Variants in LETM2 observed in about 807,000 individuals in gnomAD.
The protein encoded by LETM2 is leucine zipper and EF-hand containing transmembrane protein 2.
A neutral mutation model predicts 59.6 loss-of-function variants in LETM2; 58 were observed. The observed-to-expected ratio is 0.97, with a 90% CI of 0.79 to 1.21. The LOEUF (loss-of-function observed/expected upper bound fraction) is 1.21, where lower values mean the gene tolerates loss of function less well. Among genes scored for constraint, LETM2 ranks in the 50% most tolerant of loss-of-function variants. The pLI is 0.00. For synonymous variants in LETM2, 199 were observed against 214.1 expected (o/e 0.93, Z 0.62); for missense variants, 572 against 575.7 (o/e 0.99, Z 0.07).
intron 1 of LETM2, among the ~76,000 whole-genome samples, chr8:38,387,749 G>A (rs747717487): frequency 2.6e-5 from 4 of 151,848 alleles, no homozygotes; most frequent in South Asian, 4.2e-4. Flanking sequence ...GATCATTACC[G>A]TTTGTTGGAA....
chr8:38,393,867 A>G, intron 3 of LETM2: 1 of 366,564 alleles, frequency 2.7e-6, no homozygotes, highest in Non-Finnish European at 4.8e-6. Flanking sequence ...TAACACTTTA[A>G]GAACCAAGCT....
At position 38,405,108 on chromosome 8, in the gene LETM2, A is replaced by G. The variant is rs181340381; in HGVS notation, c.1218+602A>G. Among the ~76,000 whole-genome samples the G allele has an allele frequency of 1.4e-3, 211 of 152,306 alleles. 1 individual carries two copies. Among genetic ancestry groups the G allele is most frequent in the African/African-American group, 4.8e-3 (199 of 41,564 alleles). ...TTATTCCTTTTTCTTAACTATCTTC[A>G]TTAGCAGACTGGTGTGTGTGGGTGT... is the stretch of plus-strand genomic sequence containing the variant. On this transcript the variant is annotated intron_variant, in intron 8 of 10. Coordinates refer to ENST00000379957, the MANE Select transcript of LETM2 (RefSeq NM_001286819.2).
At chr8:38,390,916 C>T (rs13256655) in intron 2 of LETM2, among the ~76,000 whole-genome samples, 6 of 151,632 alleles carry the variant, frequency 4.0e-5, no homozygotes, top group East Asian at 2.0e-4. Flanking sequence ...CTCTTGACCT[C>T]GTGATCCACC....
intron 10 of LETM2, 148 bp downstream of exon 10, chr8:38,407,611 AGTC>A: frequency 1.6e-6 from 1 of 622,232 alleles, no homozygotes; most frequent in Non-Finnish European, 2.8e-6. Flanking sequence ...GCCAAACTTT[AGTC>A]ATCTTGTAAC....
At chr8:38,407,595 T>C (rs112092130) in intron 10 of LETM2, 132 bp downstream of exon 10, 19 of 658,240 alleles carry the variant, frequency 2.9e-5, no homozygotes, top group East Asian at 2.7e-4. Context: ...AAACAGGAAA[T>C]TGTAGGCCAA....
At chr8:38,400,722 A>T in intron 5 of LETM2, 131 bp from the exon 6 acceptor site, 1 of 842,566 alleles carries the variant, frequency 1.2e-6, no homozygotes, top group South Asian at 1.7e-5. Flanking sequence ...TTTTCTTTAT[A>T]CCACGAAGCC....
intron 4 of LETM2, chr8:38,397,106 T>C (rs1318207492): frequency 2.2e-6 from 1 of 456,008 alleles, no homozygotes. Flanking sequence ...TCTGTGCCAC[T>C]CTACTAGACA....
chr8:38,392,356 C>T (rs1045734468), intron 2 of LETM2, among the ~76,000 whole-genome samples, 186 bp from the exon 3 acceptor site: 1 of 151,394 alleles, frequency 6.6e-6, no homozygotes, highest in African/African-American at 2.4e-5. Flanking sequence ...GCCCAGATGG[C>T]GTAGGTTGTA....
chr8:38,404,692 A>G, intron 8 of LETM2, 186 bp downstream of exon 8: 1 of 549,202 alleles, frequency 1.8e-6, no homozygotes, highest in South Asian at 2.0e-5. Flanking sequence ...AAACAAAACA[A>G]AGGAAGGCCA....
At chr8:38,385,675 C>A (rs1016526262), upstream of LETM2, among the ~76,000 whole-genome samples, 1 of 152,180 alleles carries the variant, frequency 6.6e-6, no homozygotes, top group African/African-American at 2.4e-5. Context: ...GGATCACAGG[C>A]GTGAGCCACC....
intron 3 of LETM2, 187 bp downstream of exon 3, chr8:38,393,182 TG>T (rs976523805): frequency 5.8e-5 from 33 of 573,792 alleles, no homozygotes; most frequent in African/African-American, 5.6e-4. Flanking sequence ...TTCTGAAATT[TG>T]TTATATATTT....
chr8:38,396,175 T>A (rs1387704349), intron 4 of LETM2, among the ~76,000 whole-genome samples: 2 of 151,626 alleles, frequency 1.3e-5, no homozygotes, highest in South Asian at 4.1e-4. Flanking sequence ...TTTATTTTTT[T>A]TTTTTTGAGA....
At chr8:38,391,342 C>T (rs1430012807) in intron 2 of LETM2, among the ~76,000 whole-genome samples, 3 of 125,692 alleles carry the variant, frequency 2.4e-5, no homozygotes, top group East Asian at 2.3e-4. Flanking sequence ...CTCGCTTTGT[C>T]GCCAGGCTGG....
intron 8 of LETM2, among the ~76,000 whole-genome samples, chr8:38,405,175 T>G (rs1250657682): frequency 1.3e-5 from 2 of 152,248 alleles, no homozygotes; most frequent in Non-Finnish European, 2.9e-5. Context: ...GAATGGTTCC[T>G]GTTCTATTTC....
Position 38,400,409 on chromosome 8 carries a change from G to T in LETM2, c.783G>T (p.Gln261His), listed in dbSNP as rs774170105. Residue 261 changes from glutamine to histidine, a missense_variant and splice_region_variant, in exon 5 of 11, where the codon CAG (glutamine) becomes CAT (histidine). Transcript: ENST00000379957. The stretch of plus-strand genomic sequence containing the variant: ...CACAGCTCTCATCCTACGTGAAGCA[G>T]GTGTCCATCTTTTATGTAATGCCGA... The part of the protein sequence containing the change: ...ASTQLSSYVK[Q>H]VQTGHKPSTK... 1.2e-5 allele frequency: 19 copies of T among 1,567,236 alleles called. No homozygotes were observed. The highest frequency in any genetic ancestry group is 2.7e-5 in the African/African-American group (2 of 72,882).
intron 8 of LETM2, chr8:38,404,750 T>C (rs1049858617): frequency 8.3e-5 from 34 of 407,928 alleles, no homozygotes; most frequent in Middle Eastern, 1.5e-3. Context: ...GAGGCCGAGG[T>C]AGGTGGATCA....
chr8:38,382,562 G>C (rs1811623900), upstream of LETM2: 1 of 153,306 alleles, frequency 6.5e-6, no homozygotes, highest in African/African-American at 2.4e-5. The surrounding 1 kb of genome is among the most constrained non-coding windows in gnomAD (Gnocchi z 4.2). Context: ...AGGAGGCGTG[G>C]AAAGGTGGGG....
rs200034574 is a variant in LETM2 at position 38,402,580 on chromosome 8, G to C, written c.1040G>C (p.Cys347Ser). 5 of 1,614,030 alleles carry C rather than the reference G, an allele frequency of 3.1e-6. No homozygotes were observed. Among genetic ancestry groups the C allele is most frequent in the Non-Finnish European group, 4.2e-6 (5 of 1,179,982 alleles). Residue 347 changes from cysteine (C) to serine (S), a missense_variant, in exon 7 of 11, where the codon TGT (cysteine) becomes TCT (serine). Cys to Ser is a moderately radical substitution (Grantham distance 112, BLOSUM62 -1). Transcript: ENST00000379957. ...ALSVSELQAA[C>S]RARGMRSLGL... ...AGTGTATCAGAACTACAGGCTGCCT[G>C]TAGGGCCCGAGGGATGAGATCACTG...
chr8:38,391,243 CT>C (rs1812237950), intron 2 of LETM2, among the ~76,000 whole-genome samples: 1 of 139,802 alleles, frequency 7.2e-6, no homozygotes, highest in South Asian at 2.3e-4. Flanking sequence ...AAAGACATCT[CT>C]TTGCCAGTAA....
Sources: allele counts gnomAD v4.1 joint callset (sites outside exome capture counted in the v4.1 genomes callset), GRCh38; gene constraint gnomAD v4.1.1; non-coding constraint Gnocchi (gnomAD v3.1); transcripts MANE v1.5; gene names NCBI Gene and HGNC (gene_info 2026-07-23, HGNC 2026-07-21).